Variants in TCF3 observed in about 807,000 individuals in gnomAD.
The protein encoded by TCF3 is transcription factor 3, also known as transcription factor E2-alpha.
Under a neutral mutation model 72.3 loss-of-function variants are expected in TCF3, and 54 were observed. That is an observed-to-expected ratio of 0.75 (90% CI 0.60 to 0.94). The LOEUF is 0.94. TCF3 is among the 40% of genes least tolerant of loss of function. The pLI is 0.00. For missense variants in TCF3, 1,078 were observed against 934.4 expected, an observed-to-expected ratio of 1.15 and a Z score of -2.00; for synonymous variants, 525 against 412.6, an observed-to-expected ratio of 1.27 and a Z score of -3.30.
chr19:1,629,465 G>A (rs1463869884), intron 5 of TCF3, among the ~76,000 whole-genome samples: 1 of 150,324 alleles, frequency 6.7e-6, no homozygotes, highest in Non-Finnish European at 1.5e-5. Flanking sequence ...GGCTACGGAG[G>A]GGGTCAGCTG....
rs1310213971 is a variant in TCF3, at chr19:1,611,667, G to A, written c.*40C>T. 3 of 1,593,396 alleles carry A rather than the reference G, an allele frequency of 1.9e-6. No individual in the cohort carries two copies. The highest frequency in any genetic ancestry group is 1.7e-5 in the Admixed American group (1 of 58,328). ...GTGGCCGTTCTGGGGCCAGAGCACA[G>A]GGCTGAAAGCGGGTGGCTCGTCCCA... is the stretch of plus-strand genomic sequence containing the variant. On this transcript the variant is annotated 3_prime_UTR_variant, in exon 19 of 19. Transcript: ENST00000262965.
intron 7 of TCF3, among the ~76,000 whole-genome samples, 187 bp downstream of exon 7, chr19:1,625,389 G>A (rs1011139271): frequency 5.9e-5 from 9 of 152,184 alleles, no homozygotes; most frequent in Non-Finnish European, 8.8e-5. Context: ...TGCCACGCCC[G>A]CCGGCCCCTG....
intron 3 of TCF3, among the ~76,000 whole-genome samples, chr19:1,640,331 C>G (rs185762672): frequency 6.8e-6 from 1 of 148,134 alleles, no homozygotes. Context: ...GTCAGGAGAC[C>G]GAGACTGTCC....
At chr19:1,645,195 G>A (rs375948377) in intron 3 of TCF3, among the ~76,000 whole-genome samples, 2 of 152,186 alleles carry the variant, frequency 1.3e-5, no homozygotes, top group Admixed American at 6.5e-5. Flanking sequence ...GGGGGATTCT[G>A]GAGATAACTG....
rs10416975 is a variant in TCF3, at chr19:1,620,179, G to T, written c.1094-326C>A. On this transcript the variant is annotated intron_variant, in intron 13 of 18. Transcript: ENST00000262965. ...TGCTGCCCCACCCTGGCTGACCCAC[G>T]CTGGGCTCCAGCAGCAGGCAAGAAA... Among the ~76,000 whole-genome samples the T allele has an allele frequency of 8.3e-3, 1,266 of 152,272 alleles. 22 individuals are homozygous for T. Among genetic ancestry groups the T allele is most frequent in the African/African-American group, 0.029 (1,196 of 41,536 alleles).
At chr19:1,618,973 C>T (rs1356219067) in intron 16 of TCF3, 138 bp downstream of exon 16, 16 of 1,424,446 alleles carry the variant, frequency 1.1e-5, no homozygotes, top group Admixed American at 2.1e-5. Context: ...CCTGAAGTTG[C>T]TGACTGGGGC....
At chr19:1,626,075 G>A (rs1196219235) in intron 6 of TCF3, among the ~76,000 whole-genome samples, 3 of 152,196 alleles carry the variant, frequency 2.0e-5, no homozygotes, top group Non-Finnish European at 4.4e-5. Context: ...GTTGGATTCT[G>A]TACATGTTAG....
chr19:1,638,891 G>A (rs1017233503), intron 3 of TCF3, among the ~76,000 whole-genome samples: 52 of 152,200 alleles, frequency 3.4e-4, no homozygotes, highest in Non-Finnish European at 2.1e-4. Context: ...GAAGATGGAC[G>A]GGTGCTTAAC....
At position 1,610,930 on chromosome 19, in the gene TCF3, G is replaced by T. The variant is rs1445677033; in HGVS notation, c.*777C>A. 9.2e-6 allele frequency: 2 copies of T among 216,528 alleles called. No individual in the cohort carries two copies. The highest frequency in any genetic ancestry group is 6.7e-5 in the East Asian group (1 of 14,984). 13.4% of individuals were successfully genotyped at this position (216,528 alleles called of 1,614,324 possible). On this transcript the variant is annotated 3_prime_UTR_variant, in exon 19 of 19. Transcript: ENST00000262965. The stretch of plus-strand genomic sequence containing the variant: ...GTCTGTGTGCAGTGGCTTCCGGGGG[G>T]GGGGGGGGACGGGGGGGCTCAGGTT...
chr19:1,629,593 C>G (rs916271617), intron 5 of TCF3, among the ~76,000 whole-genome samples: 1 of 152,034 alleles, frequency 6.6e-6, no homozygotes, highest in East Asian at 1.9e-4. Flanking sequence ...GGGGCGAGCC[C>G]CCAGTGTGGA....
chr19:1,621,386 G>A (rs2062186004), intron 11 of TCF3, among the ~76,000 whole-genome samples, 195 bp from the exon 12 acceptor site: 1 of 152,268 alleles, frequency 6.6e-6, no homozygotes, highest in Admixed American at 6.5e-5. Flanking sequence ...GCCACTGGCA[G>A]GGGACCCTGG....
Position 1,622,217 on chromosome 19 carries a change from C to T in TCF3, c.659G>A (p.Ser220Asn), listed in dbSNP as rs1372512800. 1.9e-6 allele frequency: 3 copies of T among 1,549,368 alleles called. No individual in the cohort carries two copies. The highest frequency in any genetic ancestry group is 1.4e-5 in the African/African-American group (1 of 73,774). Residue 220 changes from serine (S) to asparagine (N), a missense_variant, in exon 10 of 19, where the codon AGC becomes AAC. Ser to Asn is a conservative substitution (Grantham distance 46, BLOSUM62 1). Coordinates refer to ENST00000262965, the MANE Select transcript of TCF3 (RefSeq NM_003200.5). The stretch of plus-strand genomic sequence containing the variant: ...CCAGAGCTCGGCTGAGGGGTGCAGG[C>T]TGCCATCTGTGGAGGGGAGCTGGTA... ...YPAPFYVADGSLHPSAELWSP... is the reference protein window; with the variant it reads ...YPAPFYVADGNLHPSAELWSP...
rs1239587696 is a variant in TCF3, at chr19:1,646,419, C to T, written c.81G>A (p.Pro27=). ...SDLLDFSMMF[P]LPVTNGKGRP... ...GGCCCTTCCCGTTGGTGACAGGCAG[C>T]GGGAACATCTGCAGGGAGGGGAGGG... The change falls in exon 3 of 19, where the codon CCG becomes CCA. Residue 27 remains proline (P), a synonymous_variant. Transcript: ENST00000262965. 11 of 1,545,916 alleles carry T rather than the reference C, an allele frequency of 7.1e-6. No individual in the cohort carries two copies. Among genetic ancestry groups the T allele is most frequent in the Non-Finnish European group, 9.6e-6 (11 of 1,144,338 alleles).
rs1172077043 is a variant in TCF3, at chr19:1,623,951, C to T, written c.549G>A (p.Ser183=). ...GTCCCTTCTCCCTCGTGCGACTCAC[C>T]GAGGATGGAAGACCCGGCGGGACCT... is the stretch of plus-strand genomic sequence containing the variant. ...VRKVPPGLPS[S]VYPPSSGEDY... is the part of the protein sequence containing the mutation. Residue 183 remains serine (S), a splice_region_variant and synonymous_variant, in exon 8 of 19, where the codon TCG becomes TCA. Transcript: ENST00000262965. The T allele has an allele frequency of 3.7e-6, 6 of 1,613,458 alleles. No homozygotes were observed. The highest frequency in any genetic ancestry group is 2.2e-5 in the South Asian group (2 of 91,060).
chr19:1,647,109 C>T (rs1306473300), intron 2 of TCF3, among the ~76,000 whole-genome samples: 1 of 152,190 alleles, frequency 6.6e-6, no homozygotes, highest in South Asian at 2.1e-4. Flanking sequence ...GAGGCTGCAC[C>T]CCACAGCTGA....
intron 2 of TCF3, among the ~76,000 whole-genome samples, chr19:1,649,157 G>A (rs1187931556): frequency 6.6e-6 from 1 of 152,198 alleles, no homozygotes; most frequent in Non-Finnish European, 1.5e-5. Context: ...TGCCTGCTCC[G>A]CAGTGATAAC....
In TCF3 at chr19:1,610,387, G is replaced by A. The variant is rs929641458; in HGVS notation, c.*1320C>T. On this transcript the variant is annotated 3_prime_UTR_variant, in exon 19 of 19. Coordinates refer to ENST00000262965, the MANE Select transcript of TCF3 (RefSeq NM_003200.5). Reference sequence around the variant, plus strand: ...GCCAGGCCCCTGGCATCCTGTCTACGTCACGATGGCCCTCTGGTGTAATGG... The same window carrying A: ...GCCAGGCCCCTGGCATCCTGTCTACATCACGATGGCCCTCTGGTGTAATGG... 7.8e-5 allele frequency: 18 copies of A among 230,468 alleles called. No homozygotes were observed. The highest frequency in any genetic ancestry group is 4.0e-4 in the Admixed American group (7 of 17,700). 14.3% of individuals were successfully genotyped at this position (230,468 alleles called of 1,614,324 possible).
At position 1,652,453 on chromosome 19, in the gene TCF3, C is replaced by A. The variant is rs1262939851; in HGVS notation, c.-193G>T. 1.4e-5 allele frequency: 2 copies of A among 144,156 alleles called. No individual in the cohort carries two copies. Among genetic ancestry groups the A allele is most frequent in the Non-Finnish European group, 1.5e-5 (1 of 64,870 alleles). 8.9% of individuals were successfully genotyped at this position (144,156 alleles called of 1,614,324 possible). A position where few individuals can be genotyped will look rare whatever the true frequency, so the allele number is the denominator to read the frequency against. ...CGCGTGGCCCGGGCCCCTCCCACCC[C>A]CGCGTGGCCCGTCCCGCGGGGCCCG... On this transcript the variant is annotated 5_prime_UTR_variant, in exon 1 of 19. Transcript: ENST00000262965.
At position 1,618,039 on chromosome 19, in the gene TCF3, G is replaced by A. The variant is rs1037581104; in HGVS notation, c.1450+1072C>T. 1.4e-4 allele frequency among the ~76,000 whole-genome samples: 22 copies of A among 152,242 alleles called. 1 individual carries two copies. The highest frequency in any genetic ancestry group is 1.1e-3 in the Admixed American group (17 of 15,302). ...GTGGAAGGCACAGGGCCAGGACAGC[G>A]CCCACAATGACCCCACCTTCTCCTG... On this transcript the variant is annotated intron_variant, in intron 16 of 18. Transcript: ENST00000262965.
Sources: allele counts gnomAD v4.1 joint callset (sites outside exome capture counted in the v4.1 genomes callset), GRCh38; gene constraint gnomAD v4.1.1; transcripts MANE v1.5; gene names NCBI Gene and HGNC (gene_info 2026-07-23, HGNC 2026-07-21).